Variants in MLLT11 observed in about 807,000 individuals in gnomAD.
MLLT11 encodes MLLT11 transcription factor 7 cofactor.
MLLT11 carries 1 observed loss-of-function variant against 5.3 expected under a neutral mutation model. The ratio of observed to expected loss-of-function variants is 0.19; its 90% confidence interval spans 0.07 to 0.89. MLLT11 has a LOEUF of 0.89. Among genes scored for constraint, MLLT11 ranks in the 40% least tolerant of loss-of-function variants. The pLI, the probability that MLLT11 is intolerant of heterozygous loss-of-function variation, is 0.67. For synonymous variants in MLLT11, 38 were observed against 41.7 expected, an observed-to-expected ratio of 0.91 and a Z score of 0.34; for missense variants, 87 against 107.3, an observed-to-expected ratio of 0.81 and a Z score of 0.83.
chr1:151,065,002 G>C (rs770442473), intron 1 of MLLT11, among the ~76,000 whole-genome samples: 26 of 152,180 alleles, frequency 1.7e-4, no homozygotes, highest in Non-Finnish European at 3.2e-4. Flanking sequence ...TAGATGTAAA[G>C]ATAGATGAAG....
At chr1:151,066,776 T>C (rs587758943) in intron 1 of MLLT11, among the ~76,000 whole-genome samples, 3 of 151,934 alleles carry the variant, frequency 2.0e-5, no homozygotes, top group South Asian at 2.1e-4. Flanking sequence ...ATACAAAACA[T>C]TGGCCGGGCG....
intron 1 of MLLT11, among the ~76,000 whole-genome samples, chr1:151,064,492 T>A (rs2102980398): frequency 6.6e-6 from 1 of 152,314 alleles, no homozygotes; most frequent in East Asian, 1.9e-4. Flanking sequence ...GCCCACCACT[T>A]GTGTACAGAG....
rs140632201 is a variant in MLLT11, at chr1:151,064,298, C to T, written c.-6-2921C>T. Among the ~76,000 whole-genome samples the T allele has an allele frequency of 3.5e-4, 54 of 152,306 alleles. No individual in the cohort carries two copies. The Middle Eastern group carries it at 0.01, about 29-fold the overall frequency. On this transcript the variant is annotated intron_variant, in intron 1 of 1. Coordinates refer to ENST00000368921, the MANE Select transcript of MLLT11 (RefSeq NM_006818.4). ...CCTCCCAAAGTGCTGGGATTATAGG[C>T]GTAAGCCACTGCACCTGGCTAGGAA...
chr1:151,064,218 A>G (rs1203676570), intron 1 of MLLT11, among the ~76,000 whole-genome samples: 2 of 152,014 alleles, frequency 1.3e-5, no homozygotes, highest in African/African-American at 4.8e-5. Flanking sequence ...ACAGGATTTC[A>G]CCATGTTGGT....
In MLLT11 at chr1:151,069,341, A is replaced by G. The variant is rs1676534762; in HGVS notation, c.*1844A>G. On this transcript the variant is annotated 3_prime_UTR_variant, in exon 2 of 2. Transcript: ENST00000368921. ...GAGAAGTCCCCAGGTGGGAGAAAAA[A>G]AGACAAATCCTCCCTCTAGGCCATG... 6.6e-6 allele frequency among the ~76,000 whole-genome samples: 1 copy of G among 152,182 alleles called. No homozygotes were observed. The highest frequency in any genetic ancestry group is 2.4e-5 in the African/African-American group (1 of 41,448).
intron 1 of MLLT11, 99 bp from the exon 2 acceptor site, chr1:151,067,120 A>AAT: frequency 1.0e-6 from 1 of 974,690 alleles, no homozygotes. Context: ...AAAAAAAGAA[A>AAT]TTCCTTTTTA....
chr1:151,065,596 A>G lies in MLLT11; in HGVS notation c.-6-1623A>G, dbSNP rs142068149. 3.8e-3 allele frequency among the ~76,000 whole-genome samples: 580 copies of G among 151,772 alleles called. 2 individuals carry two copies. Among genetic ancestry groups the G allele is most frequent in the Non-Finnish European group, 5.8e-3 (395 of 68,034 alleles). On this transcript the variant is annotated intron_variant, in intron 1 of 1. Transcript: ENST00000368921. ...TACAGGGTGTTGGGGGAGATGCTGGAGGAAATAGAGTAGATGAAGCTGAGT... is the reference window on the plus strand; with the variant it reads ...TACAGGGTGTTGGGGGAGATGCTGGGGGAAATAGAGTAGATGAAGCTGAGT...
chr1:151,061,436 T>C, intron 1 of MLLT11, among the ~76,000 whole-genome samples: 1 of 152,208 alleles, frequency 6.6e-6, no homozygotes, highest in East Asian at 1.9e-4. Context: ...TTCTAATCTA[T>C]ACATTTGCTA....
intron 1 of MLLT11, among the ~76,000 whole-genome samples, chr1:151,063,417 TTTTA>T (rs1345217598): frequency 6.6e-6 from 1 of 151,894 alleles, no homozygotes; most frequent in African/African-American, 2.4e-5. Flanking sequence ...TTTTTTTAAT[TTTTA>T]TTTATTTATT....
chr1:151,063,661 G>A (rs1159061086), intron 1 of MLLT11, among the ~76,000 whole-genome samples: 6 of 152,144 alleles, frequency 3.9e-5, no homozygotes, highest in Admixed American at 6.5e-5. Context: ...TCCTGACCTC[G>A]TGATCCACCC....
At chr1:151,063,071 G>A (rs587752090) in intron 1 of MLLT11, among the ~76,000 whole-genome samples, 1 of 152,204 alleles carries the variant, frequency 6.6e-6, no homozygotes, top group South Asian at 2.1e-4. Context: ...AGTTCCCAGG[G>A]TTTATTTTGG....
chr1:151,063,218 C>A (rs113754123), intron 1 of MLLT11, among the ~76,000 whole-genome samples: 2 of 152,250 alleles, frequency 1.3e-5, no homozygotes, highest in Admixed American at 6.5e-5. Flanking sequence ...CTTTTTCTGC[C>A]TTAGTACAGT....
intron 1 of MLLT11, among the ~76,000 whole-genome samples, chr1:151,063,224 A>G (rs1040955292): frequency 1.3e-5 from 2 of 152,128 alleles, no homozygotes; most frequent in Admixed American, 1.3e-4. Context: ...CTGCCTTAGT[A>G]CAGTCATTTC....
At chr1:151,066,325 G>A (rs1326304968) in intron 1 of MLLT11, among the ~76,000 whole-genome samples, 1 of 152,116 alleles carries the variant, frequency 6.6e-6, no homozygotes, top group African/African-American at 2.4e-5. Flanking sequence ...TTTTAGTAGA[G>A]GCAGGGTTTC....
Position 151,067,647 on chromosome 1 carries a change from T to C in MLLT11, c.*150T>C. 1 of 870,590 alleles carries C rather than the reference T, an allele frequency of 1.1e-6. No homozygotes were observed. Among genetic ancestry groups the C allele is most frequent in the South Asian group, 1.7e-5 (1 of 58,768 alleles). 53.9% of individuals were successfully genotyped at this position (870,590 alleles called of 1,614,324 possible). ...GCCAGAGTTGAGTTCTATGTATTTA[T>C]TTATCTATCTGTCTACTCCATTTCT... On this transcript the variant is annotated 3_prime_UTR_variant, in exon 2 of 2. Coordinates refer to ENST00000368921, the MANE Select transcript of MLLT11 (RefSeq NM_006818.4).
chr1:151,061,041 C>A (rs939602174), intron 1 of MLLT11, among the ~76,000 whole-genome samples: 12 of 152,126 alleles, frequency 7.9e-5, no homozygotes, highest in Admixed American at 5.2e-4. Context: ...TTTCATTCCA[C>A]CTCGAATCTT....
intron 1 of MLLT11, 67 bp from the exon 2 acceptor site, chr1:151,067,152 C>T: frequency 7.1e-7 from 1 of 1,399,406 alleles, no homozygotes. Context: ...AGTATCTAAG[C>T]AAGGAAAGGC....
rs373440743 is a variant in MLLT11, at chr1:151,068,414, T to C, written c.*917T>C. The stretch of plus-strand genomic sequence containing the variant: ...AACAATTATATTCTGACTCGACATC[T>C]TGTCCCCAATCCTTCCAAAAATATT... On this transcript the variant is annotated 3_prime_UTR_variant, in exon 2 of 2. Coordinates refer to ENST00000368921, the MANE Select transcript of MLLT11 (RefSeq NM_006818.4). 102 of 223,292 alleles carry C rather than the reference T, an allele frequency of 4.6e-4. No homozygotes were observed. Among genetic ancestry groups the C allele is most frequent in the African/African-American group, 2.2e-3 (96 of 44,090 alleles). The allele number at this position is 223,292 out of a possible 1,614,324, so 13.8% of individuals were successfully genotyped here. A position where few individuals can be genotyped will look rare whatever the true frequency, so the allele number is the denominator to read the frequency against.
intron 1 of MLLT11, among the ~76,000 whole-genome samples, chr1:151,062,296 C>A (rs916579492): frequency 2.6e-5 from 4 of 151,932 alleles, no homozygotes; most frequent in African/African-American, 9.7e-5. Flanking sequence ...TGGAAGTCTT[C>A]CCAAGTCATT....
Sources: allele counts gnomAD v4.1 joint callset (sites outside exome capture counted in the v4.1 genomes callset), GRCh38; gene constraint gnomAD v4.1.1; transcripts MANE v1.5; gene names NCBI Gene and HGNC (gene_info 2026-07-23, HGNC 2026-07-21).